WDPCP: variants seen among roughly 807,000 people sequenced by gnomAD.
The protein encoded by WDPCP is WD repeat-containing and planar cell polarity effector protein fritz homolog.
Under a neutral mutation model 93.1 loss-of-function variants are expected in WDPCP, and 71 were observed. The observed-to-expected ratio is 0.76, with a 90% CI of 0.63 to 0.93. The LOEUF (loss-of-function observed/expected upper bound fraction) is 0.93. Among genes scored for constraint, WDPCP ranks in the 40% least tolerant of loss-of-function variants. The pLI is 0.00. For missense variants in WDPCP, 844 were observed against 887.4 expected, an observed-to-expected ratio of 0.95 and a Z score of 0.62; for synonymous variants, 315 against 315.0, an observed-to-expected ratio of 1.00 and a Z score of 0.00.
chr2:63,573,359 C>T (rs943865865), intron 1 of WDPCP, among the ~76,000 whole-genome samples: 4 of 152,122 alleles, frequency 2.6e-5, no homozygotes, highest in Non-Finnish European at 5.9e-5. Flanking sequence ...GAAGCCATGG[C>T]AGAAGAATGT....
At chr2:63,253,466 G>T (rs1680902135) in intron 14 of WDPCP, among the ~76,000 whole-genome samples, 1 of 152,072 alleles carries the variant, frequency 6.6e-6, no homozygotes, top group South Asian at 2.1e-4. Context: ...TACAGAATGA[G>T]AGAAAATATT....
At chr2:63,296,307 G>A (rs770551090) in intron 13 of WDPCP, among the ~76,000 whole-genome samples, 2 of 150,910 alleles carry the variant, frequency 1.3e-5, no homozygotes, top group Non-Finnish European at 1.5e-5. Context: ...AAATAAAAAC[G>A]GCCATCTATG....
intron 1 of WDPCP, among the ~76,000 whole-genome samples, chr2:63,529,356 G>T (rs368627376): frequency 3.2e-4 from 49 of 152,162 alleles, no homozygotes; most frequent in African/African-American, 1.0e-3. Context: ...CGGGTTTGTT[G>T]TAAATAGCTT....
intron 12 of WDPCP, among the ~76,000 whole-genome samples, chr2:63,367,594 T>C (rs1691017052): frequency 6.6e-6 from 1 of 152,160 alleles, no homozygotes; most frequent in African/African-American, 2.4e-5. Context: ...TTGAATAAAT[T>C]ATGGTAGTCT....
intron 2 of WDPCP, among the ~76,000 whole-genome samples, chr2:63,708,126 C>T (rs1233012643): frequency 6.6e-6 from 1 of 152,226 alleles, no homozygotes; most frequent in African/African-American, 2.4e-5. Context: ...AAGCTGTGTG[C>T]TGGGAGAACC....
chr2:63,292,234 T>C (rs899770152), intron 13 of WDPCP, among the ~76,000 whole-genome samples: 1 of 151,606 alleles, frequency 6.6e-6, no homozygotes, highest in Non-Finnish European at 1.5e-5. Flanking sequence ...TTAGTCTCCA[T>C]AATGAATTTA....
chr2:63,152,588 T>A (rs890674328), intron 17 of WDPCP, among the ~76,000 whole-genome samples: 11 of 152,304 alleles, frequency 7.2e-5, no homozygotes, highest in Admixed American at 7.2e-4. Context: ...TGGTTACTCT[T>A]AATTCACCTA....
At chr2:63,703,421 G>T (rs899495467) in intron 2 of WDPCP, among the ~76,000 whole-genome samples, 5 of 152,206 alleles carry the variant, frequency 3.3e-5, no homozygotes, top group Non-Finnish European at 4.4e-5. Flanking sequence ...ATTCTAAGTG[G>T]TGTGAGATGG....
At chr2:63,653,803 G>A (rs778721255) in intron 2 of WDPCP, among the ~76,000 whole-genome samples, 14 of 151,742 alleles carry the variant, frequency 9.2e-5, no homozygotes, top group Non-Finnish European at 1.8e-4. Flanking sequence ...CCAGTTACTC[G>A]GGAGGCTGAG....
intron 10 of WDPCP, among the ~76,000 whole-genome samples, chr2:63,395,570 T>C (rs899195246): frequency 1.3e-5 from 2 of 152,134 alleles, no homozygotes; most frequent in Admixed American, 1.3e-4. Context: ...ACAAATATAA[T>C]CTATAATAAT....
intron 10 of WDPCP, among the ~76,000 whole-genome samples, chr2:63,399,457 T>G (rs1329494840): frequency 6.6e-6 from 1 of 152,024 alleles, no homozygotes; most frequent in African/African-American, 2.4e-5. Context: ...AAAGCTGTGC[T>G]TTTTGCAAAG....
At chr2:63,585,252 G>A (rs987271691) in intron 1 of WDPCP, among the ~76,000 whole-genome samples, 6 of 152,148 alleles carry the variant, frequency 3.9e-5, no homozygotes, top group Non-Finnish European at 7.4e-5. Context: ...TAAAGTGAAT[G>A]TAATAATTAT....
chr2:63,274,729 T>C (rs941630381), intron 13 of WDPCP, among the ~76,000 whole-genome samples: 1 of 152,122 alleles, frequency 6.6e-6, no homozygotes, highest in African/African-American at 2.4e-5. Flanking sequence ...TTCCTGGACA[T>C]ATACAACCTA....
chr2:63,679,424 T>TGGTG (rs778423167), intron 2 of WDPCP, among the ~76,000 whole-genome samples: 9 of 151,922 alleles, frequency 5.9e-5, no homozygotes, highest in Non-Finnish European at 1.2e-4. Flanking sequence ...TGGGCAGGAG[T>TGGTG]GGTGAGTACT....
intron 12 of WDPCP, among the ~76,000 whole-genome samples, chr2:63,342,647 G>C (rs1481197710): frequency 2.0e-5 from 3 of 151,924 alleles, no homozygotes; most frequent in African/African-American, 7.3e-5. Context: ...CTTCTCTATA[G>C]CTCTATCTAC....
chr2:63,746,346 G>A (rs559647694), intron 2 of WDPCP, among the ~76,000 whole-genome samples: 2 of 152,208 alleles, frequency 1.3e-5, no homozygotes, highest in East Asian at 3.9e-4. Flanking sequence ...TGAGATGATT[G>A]CATTAACTAA....
chr2:63,126,475 T>C (rs534986443), intron 17 of WDPCP, among the ~76,000 whole-genome samples: 4 of 151,932 alleles, frequency 2.6e-5, no homozygotes, highest in Non-Finnish European at 4.4e-5. Context: ...AGTGAGGAGG[T>C]AGTGGAACAA....
intron 1 of WDPCP, among the ~76,000 whole-genome samples, chr2:63,813,919 T>C (rs1322243570): frequency 1.3e-5 from 2 of 152,242 alleles, no homozygotes. Flanking sequence ...TGTTTTCTAA[T>C]AAATACCAAT....
chr2:63,593,986 A>G (rs1230587481), intron 3 of WDPCP, among the ~76,000 whole-genome samples: 1 of 152,200 alleles, frequency 6.6e-6, no homozygotes, highest in African/African-American at 2.4e-5. Flanking sequence ...TTCTCCCGAA[A>G]TAAAAAATCT....
Sources: allele counts gnomAD v4.1 joint callset (sites outside exome capture counted in the v4.1 genomes callset), GRCh38; gene constraint gnomAD v4.1.1; transcripts MANE v1.5; gene names NCBI Gene and HGNC (gene_info 2026-07-23, HGNC 2026-07-21).